The following TBC1D5 variants were observed in gnomAD, a reference collection of about 807,000 sequenced individuals.
TBC1D5 encodes TBC1 domain family member 5.
A neutral mutation model predicts 100.3 loss-of-function variants in TBC1D5; 75 were observed. The ratio of observed to expected loss-of-function variants is 0.75; its 90% CI spans 0.62 to 0.91. The LOEUF (loss-of-function observed/expected upper bound fraction) is 0.91, where lower values mean the gene tolerates loss of function less well. TBC1D5 is among the 40% of genes least tolerant of loss of function. The pLI, the probability that TBC1D5 is intolerant of heterozygous loss-of-function variation, is 0.00. For missense variants in TBC1D5, 910 were observed against 942.4 expected, an observed-to-expected ratio of 0.97 and a Z score of 0.45; for synonymous variants, 323 against 325.6, an observed-to-expected ratio of 0.99 and a Z score of 0.09.
chr3:17,322,288 T>A (rs2085516605), intron 13 of TBC1D5, among the ~76,000 whole-genome samples: 1 of 152,242 alleles, frequency 6.6e-6, no homozygotes, highest in Admixed American at 6.5e-5. Flanking sequence ...TTTTCAATGT[T>A]TCTGTTTCTG....
intron 13 of TBC1D5, among the ~76,000 whole-genome samples, chr3:17,342,128 T>C (rs140324090): frequency 6.2e-4 from 94 of 152,344 alleles, no homozygotes; most frequent in African/African-American, 2.3e-3. Flanking sequence ...ACCTAATGAA[T>C]GCCTTTGTGT....
chr3:17,506,339 T>C (rs529783862), intron 3 of TBC1D5, among the ~76,000 whole-genome samples: 7 of 152,344 alleles, frequency 4.6e-5, no homozygotes, highest in African/African-American at 1.7e-4. Flanking sequence ...TAGTAACCTT[T>C]ATGGCTTTGA....
intron 17 of TBC1D5, 65 bp downstream of exon 17, chr3:17,238,098 C>G: frequency 6.5e-7 from 1 of 1,540,728 alleles, no homozygotes; most frequent in Non-Finnish European, 8.7e-7. Context: ...TCCTCACAGG[C>G]AGGTGAAGAA....
intron 16 of TBC1D5, among the ~76,000 whole-genome samples, chr3:17,242,763 A>T (rs929450048): frequency 6.6e-5 from 10 of 152,084 alleles, no homozygotes; most frequent in Admixed American, 5.2e-4. Context: ...GAGGAATGGA[A>T]GTGGGAAAAT....
At chr3:17,615,760 A>G (rs1001002433) in intron 2 of TBC1D5, among the ~76,000 whole-genome samples, 5 of 152,088 alleles carry the variant, frequency 3.3e-5, no homozygotes, top group African/African-American at 1.2e-4. Flanking sequence ...GACTGCATCT[A>G]TTTGATTCTT....
chr3:17,316,410 C>T (rs943195362), intron 13 of TBC1D5, among the ~76,000 whole-genome samples: 4 of 152,102 alleles, frequency 2.6e-5, no homozygotes, highest in Non-Finnish European at 5.9e-5. Flanking sequence ...AGCGTATGAG[C>T]CCTCTCTTCT....
chr3:17,643,415 T>C (rs1013721418), intron 1 of TBC1D5, among the ~76,000 whole-genome samples: 5 of 152,128 alleles, frequency 3.3e-5, no homozygotes, highest in African/African-American at 1.2e-4. Flanking sequence ...AAACATCTCA[T>C]GAATATACTT....
intron 3 of TBC1D5, among the ~76,000 whole-genome samples, chr3:17,486,059 T>C (rs9843225): frequency 0.39 from 59,295 of 151,052 alleles, 12,297 homozygotes; most frequent in Middle Eastern, 0.48. Context: ...TGGTATCTCA[T>C]TGTGGTTTTG....
chr3:17,586,299 G>C (rs2096732378), intron 2 of TBC1D5: 1 of 152,020 alleles, frequency 6.6e-6, no homozygotes, highest in Non-Finnish European at 1.5e-5. Context: ...CTATGGTAAG[G>C]GTATTGAGAG....
At chr3:17,402,956 A>T (rs954105794) in intron 8 of TBC1D5, among the ~76,000 whole-genome samples, 2 of 152,120 alleles carry the variant, frequency 1.3e-5, no homozygotes, top group African/African-American at 4.8e-5. Context: ...GAAGATTATC[A>T]ATATTATAAA....
chr3:17,182,094 G>A (rs1046899091), intron 19 of TBC1D5, among the ~76,000 whole-genome samples: 2 of 152,142 alleles, frequency 1.3e-5, no homozygotes, highest in Admixed American at 6.5e-5. Flanking sequence ...CTTAATCTTC[G>A]TGTTTTCCTT....
chr3:17,159,758 C>G (rs1415736055), exon 22 of TBC1D5: 1 of 152,284 alleles, frequency 6.6e-6, no homozygotes, highest in Non-Finnish European at 1.5e-5. Flanking sequence ...GCAGTGGGGC[C>G]CAGGATACGG....
chr3:17,260,453 A>C (rs1397519298), intron 15 of TBC1D5, among the ~76,000 whole-genome samples: 2 of 152,216 alleles, frequency 1.3e-5, no homozygotes, highest in Admixed American at 1.3e-4. Flanking sequence ...TGAACATATA[A>C]ATGAGGCTCA....
chr3:17,171,292 A>G (rs2067150944), intron 19 of TBC1D5, among the ~76,000 whole-genome samples: 1 of 152,138 alleles, frequency 6.6e-6, no homozygotes, highest in African/African-American at 2.4e-5. Context: ...GAAAAAAAAA[A>G]GTAACCTCTT....
chr3:17,283,185 C>A (rs564658197), intron 15 of TBC1D5, among the ~76,000 whole-genome samples: 17 of 152,310 alleles, frequency 1.1e-4, no homozygotes, highest in African/African-American at 4.1e-4. Context: ...GTCTGTTGAA[C>A]CAAACTGAAT....
chr3:17,487,843 T>C (rs777163560), intron 3 of TBC1D5, among the ~76,000 whole-genome samples: 2 of 152,154 alleles, frequency 1.3e-5, no homozygotes, highest in Non-Finnish European at 2.9e-5. Flanking sequence ...TTAAAAGCAA[T>C]TTTGAGCTTA....
At chr3:17,381,572 A>C (rs1440978465) in intron 9 of TBC1D5, among the ~76,000 whole-genome samples, 1 of 152,126 alleles carries the variant, frequency 6.6e-6, no homozygotes, top group Non-Finnish European at 1.5e-5. Flanking sequence ...CCCAGACTTC[A>C]TGTGAAGTGT....
At chr3:17,494,471 C>G (rs922309376) in intron 3 of TBC1D5, among the ~76,000 whole-genome samples, 2 of 152,198 alleles carry the variant, frequency 1.3e-5, no homozygotes, top group Non-Finnish European at 2.9e-5. Flanking sequence ...GGGAATCCTC[C>G]TCGTCTGGAC....
chr3:17,257,632 T>C (rs1386407369), intron 16 of TBC1D5, among the ~76,000 whole-genome samples: 2 of 152,184 alleles, frequency 1.3e-5, no homozygotes, highest in Non-Finnish European at 2.9e-5. Flanking sequence ...AGTTTAAATT[T>C]AGCCATTTTG....
Sources: allele counts gnomAD v4.1 joint callset (sites outside exome capture counted in the v4.1 genomes callset), GRCh38; gene constraint gnomAD v4.1.1; transcripts MANE v1.5; gene names NCBI Gene and HGNC (gene_info 2026-07-23, HGNC 2026-07-21).